The following PIP4K2A variants were observed in gnomAD, a reference collection of about 807,000 sequenced individuals.
PIP4K2A encodes the protein phosphatidylinositol 5-phosphate 4-kinase type-2 alpha.
A neutral mutation model predicts 42.9 loss-of-function variants in PIP4K2A; 14 were observed. That is an observed-to-expected ratio of 0.33 (90% CI 0.22 to 0.51). The LOEUF (loss-of-function observed/expected upper bound fraction) is 0.51, where lower values mean the gene tolerates loss of function less well. Among genes scored for constraint, PIP4K2A ranks in the 20% least tolerant of loss-of-function variants. PIP4K2A has a pLI of 0.97. For synonymous variants in PIP4K2A, 192 were observed against 192.2 expected (o/e 1.00, Z 0.01); for missense variants, 434 against 519.8 (o/e 0.83, Z 1.61).
intron 1 of PIP4K2A, among the ~76,000 whole-genome samples, chr10:22,643,161 G>A (rs892590105): frequency 2.0e-5 from 3 of 151,986 alleles, no homozygotes; most frequent in Non-Finnish European, 4.4e-5. Flanking sequence ...TCCAAGTCTC[G>A]GGCCCCTTCT....
At chr10:22,681,576 G>GA (rs772367246) in intron 1 of PIP4K2A, among the ~76,000 whole-genome samples, 408 of 152,308 alleles carry the variant, frequency 2.7e-3, no homozygotes, top group Non-Finnish European at 4.8e-3. Context: ...TCAAGAGGCT[G>GA]AGGTAGGAGG....
chr10:22,642,104 CAG>C (rs1156767974), intron 1 of PIP4K2A: 3 of 152,444 alleles, frequency 2.0e-5, no homozygotes, highest in Admixed American at 1.3e-4. Context: ...AGGTGAGAAA[CAG>C]AGAGGTCCTG....
intron 1 of PIP4K2A, among the ~76,000 whole-genome samples, chr10:22,695,166 A>G (rs562268923): frequency 5.3e-4 from 81 of 152,334 alleles, no homozygotes; most frequent in African/African-American, 1.9e-3. Context: ...AAAATCCACT[A>G]CACACTAATG....
At chr10:22,656,797 CAAAA>C (rs768722985) in intron 1 of PIP4K2A, among the ~76,000 whole-genome samples, 1 of 76,864 alleles carries the variant, frequency 1.3e-5, no homozygotes, top group Non-Finnish European at 2.6e-5. Context: ...GACTCCATCT[CAAAA>C]AAAAAAAAAA....
At chr10:22,558,440 A>G (rs1836606124) in intron 6 of PIP4K2A, among the ~76,000 whole-genome samples, 1 of 152,238 alleles carries the variant, frequency 6.6e-6, no homozygotes, top group African/African-American at 2.4e-5. Context: ...TGGGGTAATA[A>G]GAGATGCTGG....
At chr10:22,565,842 C>CG (rs1554795534) in intron 6 of PIP4K2A, among the ~76,000 whole-genome samples, 1 of 151,354 alleles carries the variant, frequency 6.6e-6, no homozygotes, top group East Asian at 1.9e-4. Flanking sequence ...TAAACAGCCC[C>CG]CCCAGGTGTG....
At chr10:22,691,367 T>C (rs957897551) in intron 1 of PIP4K2A, among the ~76,000 whole-genome samples, 1 of 152,132 alleles carries the variant, frequency 6.6e-6, no homozygotes, top group African/African-American at 2.4e-5. Flanking sequence ...GACAGAGCCC[T>C]ATGTTTATTC....
chr10:22,595,424 A>G (rs1315168178), intron 3 of PIP4K2A, among the ~76,000 whole-genome samples: 1 of 152,214 alleles, frequency 6.6e-6, no homozygotes, highest in Non-Finnish European at 1.5e-5. Context: ...TATTTTTATT[A>G]TCATTTACTT....
chr10:22,547,153 A>C (rs1348272332), intron 7 of PIP4K2A, among the ~76,000 whole-genome samples: 1 of 152,208 alleles, frequency 6.6e-6, no homozygotes, highest in African/African-American at 2.4e-5. Flanking sequence ...TAACTCTACT[A>C]ACACACCGTG....
At chr10:22,549,903 T>A (rs561639831) in intron 7 of PIP4K2A, among the ~76,000 whole-genome samples, 7 of 150,666 alleles carry the variant, frequency 4.6e-5, no homozygotes, top group African/African-American at 1.7e-4. Context: ...CTTTTTTTCC[T>A]TTTTTCCTGG....
intron 3 of PIP4K2A, among the ~76,000 whole-genome samples, chr10:22,600,173 T>A (rs1288758638): frequency 6.6e-6 from 1 of 152,114 alleles, no homozygotes; most frequent in Non-Finnish European, 1.5e-5. Flanking sequence ...TCTCTTGAAC[T>A]AATCACGTAA....
chr10:22,701,702 G>A (rs1833719032), intron 1 of PIP4K2A, among the ~76,000 whole-genome samples: 1 of 152,220 alleles, frequency 6.6e-6, no homozygotes, highest in Non-Finnish European at 1.5e-5. Context: ...CTGAAAATAA[G>A]TAAGCGTCCT....
intron 3 of PIP4K2A, among the ~76,000 whole-genome samples, chr10:22,604,723 A>AGGC (rs1837869866): frequency 6.6e-6 from 1 of 152,188 alleles, no homozygotes; most frequent in African/African-American, 2.4e-5. Flanking sequence ...GGAGTGACAG[A>AGGC]GGCGGCCGGT....
intron 1 of PIP4K2A, among the ~76,000 whole-genome samples, chr10:22,612,670 G>C (rs1236510025): frequency 6.6e-6 from 1 of 152,184 alleles, no homozygotes; most frequent in Non-Finnish European, 1.5e-5. Flanking sequence ...GGGGCTTGAT[G>C]ATGACAGACT....
At chr10:22,629,202 C>T (rs1838502954) in intron 1 of PIP4K2A, among the ~76,000 whole-genome samples, 1 of 152,166 alleles carries the variant, frequency 6.6e-6, no homozygotes, top group Non-Finnish European at 1.5e-5. Flanking sequence ...TTTAAATTCA[C>T]TGCCTCTAAA....
rs10681238 is a variant in PIP4K2A, at chr10:22,596,205, C to CAAAAAAAAAAAAAAA, written c.340-4439_340-4425dup. 2.9e-4 allele frequency among the ~76,000 whole-genome samples: 20 copies of CAAAAAAAAAAAAAAA among 69,658 alleles called. 1 individual carries two copies. Among genetic ancestry groups the CAAAAAAAAAAAAAAA allele is most frequent in the African/African-American group, 7.6e-4 (12 of 15,802 alleles). 45.7% of individuals were successfully genotyped at this position (69,658 alleles called of 152,430 possible). On this transcript the variant is annotated intron_variant, in intron 3 of 9. Transcript: ENST00000376573. ...GGGCAACAAGAGCAAAACTCCGTCT[C>CAAAAAAAAAAAAAAA]AAAAAAAAAAAAAAAAAAAAGGATT...
intron 1 of PIP4K2A, among the ~76,000 whole-genome samples, chr10:22,654,386 C>A (rs555497329): frequency 6.6e-6 from 1 of 151,974 alleles, no homozygotes; most frequent in Non-Finnish European, 1.5e-5. Context: ...AAAAAAAAGA[C>A]GTGTAAAAAT....
At chr10:22,574,628 T>C (rs550715139) in intron 4 of PIP4K2A, among the ~76,000 whole-genome samples, 2 of 152,298 alleles carry the variant, frequency 1.3e-5, no homozygotes, top group South Asian at 2.1e-4. Flanking sequence ...TGATTCTGAT[T>C]TTTGCCATCT....
chr10:22,611,226 A>G (rs1278974903), intron 1 of PIP4K2A, among the ~76,000 whole-genome samples: 1 of 152,006 alleles, frequency 6.6e-6, no homozygotes, highest in Non-Finnish European at 1.5e-5. Flanking sequence ...CTAACAAATA[A>G]AAAAATAACA....
Sources: allele counts gnomAD v4.1 joint callset (sites outside exome capture counted in the v4.1 genomes callset), GRCh38; gene constraint gnomAD v4.1.1; transcripts MANE v1.5; gene names NCBI Gene and HGNC (gene_info 2026-07-23, HGNC 2026-07-21).